Variants in DDX1 observed in about 807,000 individuals in gnomAD.
DDX1 encodes the protein ATP-dependent RNA helicase DDX1.
DDX1 carries 28 observed loss-of-function variants against 108.7 expected under a neutral mutation model. That is an observed-to-expected ratio of 0.26 (90% CI 0.19 to 0.35). The LOEUF is 0.35. Among genes scored for constraint, DDX1 ranks in the 10% least tolerant of loss-of-function variants. The pLI is 1.00. For synonymous variants in DDX1, 295 were observed against 288.9 expected, an observed-to-expected ratio of 1.02 and a Z score of -0.21; for missense variants, 710 against 884.5, an observed-to-expected ratio of 0.80 and a Z score of 2.50.
chr2:15,608,672 T>TTG (rs1216710653), intron 13 of DDX1, among the ~76,000 whole-genome samples: 10 of 146,178 alleles, frequency 6.8e-5, no homozygotes, highest in Non-Finnish European at 1.5e-4. Context: ...GGTTTTTTTT[T>TTG]TTTTTTTTTT....
At chr2:15,599,394 C>A (rs1281235705) in intron 5 of DDX1, among the ~76,000 whole-genome samples, 6 of 151,798 alleles carry the variant, frequency 4.0e-5, no homozygotes, top group Non-Finnish European at 7.4e-5. Context: ...GCAGTCTCCA[C>A]CTCCTGGGCT....
At chr2:15,612,170 G>A (rs1311825774) in intron 13 of DDX1, among the ~76,000 whole-genome samples, 7 of 151,182 alleles carry the variant, frequency 4.6e-5, no homozygotes, top group Non-Finnish European at 7.4e-5. Context: ...TGGACGGGGC[G>A]GCTGGCCTGG....
At chr2:15,630,428 A>G (rs1430849147) in intron 25 of DDX1, among the ~76,000 whole-genome samples, 1 of 152,196 alleles carries the variant, frequency 6.6e-6, no homozygotes, top group Non-Finnish European at 1.5e-5. Context: ...AGGAATCAGA[A>G]GCCTTTGACT....
chr2:15,629,949 A>G lies in DDX1; in HGVS notation c.1972-41A>G, dbSNP rs371070288. ...ATGATGATAAAATGCAACTCTTTCTAAATGAAATTTTTATTTGGAAATTTT... is the reference window on the plus strand; with the variant it reads ...ATGATGATAAAATGCAACTCTTTCTGAATGAAATTTTTATTTGGAAATTTT... On this transcript the variant is annotated intron_variant, in intron 24 of 25. Coordinates refer to ENST00000233084, the MANE Select transcript of DDX1 (RefSeq NM_004939.3). 5 of 1,540,718 alleles carry G rather than the reference A, an allele frequency of 3.2e-6. No homozygotes were observed. The African/African-American group carries it at 5.6e-5, about 17-fold the overall frequency.
In DDX1 at chr2:15,623,496, A is replaced by T. The variant is rs371887533; in HGVS notation, c.1508A>T (p.Glu503Val). ...GAGTATGCTGTCCGGGCAATCAAGG[A>T]ACATAAGATGGATCAAGCAATTATC... ...KGEYAVRAIKEHKMDQAIIFC... is the reference protein window; with the variant it reads ...KGEYAVRAIKVHKMDQAIIFC... Residue 503 changes from glutamate (E) to valine (V), a missense_variant, in exon 19 of 26, where the codon GAA becomes GTA. Around this residue, in one of 3 missense-constraint regions of DDX1, gnomAD observed 661 missense variants for 810.2 expected, o/e 0.82. Coordinates refer to ENST00000233084, the MANE Select transcript of DDX1 (RefSeq NM_004939.3). The T allele has an allele frequency of 3.5e-5, 57 of 1,613,510 alleles. No homozygotes were observed. The highest frequency in any genetic ancestry group is 4.7e-5 in the Non-Finnish European group (56 of 1,179,688).
chr2:15,611,479 C>G (rs1422359100), intron 13 of DDX1, among the ~76,000 whole-genome samples: 7 of 143,144 alleles, frequency 4.9e-5, no homozygotes, highest in African/African-American at 1.9e-4. Context: ...AGGCTCCCCC[C>G]ACCTCCCGGA....
chr2:15,591,964 A>G lies in DDX1; in HGVS notation c.16+15A>G. The G allele has an allele frequency of 1.4e-6, 2 of 1,406,778 alleles. No homozygotes were observed. Among genetic ancestry groups the G allele is most frequent in the Non-Finnish European group, 1.9e-6 (2 of 1,077,922 alleles). 87.1% of individuals were successfully genotyped at this position (1,406,778 alleles called of 1,614,324 possible). A position where few individuals can be genotyped will look rare whatever the true frequency, so the allele number is the denominator to read the frequency against. On this transcript the variant is annotated intron_variant, in intron 1 of 25. Transcript: ENST00000233084. Reference sequence around the variant, plus strand: ...GGCCTTCTCCGGTGCGTTTGTGGAAACTCTGGGGGTGGTGGGGCGGCTTGT... The same window carrying G: ...GGCCTTCTCCGGTGCGTTTGTGGAAGCTCTGGGGGTGGTGGGGCGGCTTGT...
intron 24 of DDX1, 33 bp downstream of exon 24, chr2:15,629,730 A>T: frequency 6.9e-7 from 1 of 1,444,088 alleles, no homozygotes; most frequent in Non-Finnish European, 9.4e-7. Flanking sequence ...CAAATAATGT[A>T]TTAAAATGGT....
intron 19 of DDX1, among the ~76,000 whole-genome samples, chr2:15,625,662 T>TCCC (rs1172505010): frequency 2.0e-5 from 3 of 152,124 alleles, no homozygotes; most frequent in Non-Finnish European, 4.4e-5. Flanking sequence ...TATTTCAGTG[T>TCCC]TGCTACGTGT....
rs1418207016 is a variant in DDX1, at chr2:15,621,169, C to T, written c.1447+53C>T. The T allele has an allele frequency of 4.8e-6, 6 of 1,258,730 alleles. No individual in the cohort carries two copies. In the Admixed American group the frequency reaches 8.9e-5, roughly 19 times the overall value. 78.0% of individuals were successfully genotyped at this position (1,258,730 alleles called of 1,614,324 possible). ...AAGATTTTGAAAATGAAATTTATAC[C>T]TTACCTATTCTCATGAAGGATGTGA... On this transcript the variant is annotated intron_variant, in intron 18 of 25. Coordinates refer to ENST00000233084, the MANE Select transcript of DDX1 (RefSeq NM_004939.3).
At chr2:15,601,369 G>A (rs887327754) in intron 6 of DDX1, among the ~76,000 whole-genome samples, 4 of 152,162 alleles carry the variant, frequency 2.6e-5, no homozygotes, top group African/African-American at 9.7e-5. Flanking sequence ...CCCACAGGTT[G>A]AGGGTTCAAT....
chr2:15,602,596 G>T lies in DDX1; in HGVS notation c.356G>T (p.Trp119Leu). Residue 119 changes from tryptophan to leucine, a missense_variant, in exon 7 of 26, where the codon TGG (tryptophan) becomes TTG (leucine). By Grantham distance (61) the Trp-to-Leu change is moderately conservative. Transcript: ENST00000233084. Reference protein sequence around the residue: ...LCCQSREVKEWHGCRATKGLM... With the variant: ...LCCQSREVKELHGCRATKGLM... ...TGTCAAAGCAGAGAAGTAAAGGAAT[G>T]GCATGGGTGTAGAGCTACTAAAGGA... 1 of 1,613,648 alleles carries T rather than the reference G, an allele frequency of 6.2e-7. No homozygotes were observed. The highest frequency in any genetic ancestry group is 8.5e-7 in the Non-Finnish European group (1 of 1,179,544).
At position 15,604,527 on chromosome 2, in the gene DDX1, CT is replaced by C. The variant is rs1231661114; in HGVS notation, c.625+20del. 6.7e-7 allele frequency: 1 copy of C among 1,487,538 alleles called. No individual in the cohort carries two copies. The allele number at this position is 1,487,538 out of a possible 1,614,324, so 92.1% of individuals were successfully genotyped here. A position where few individuals can be genotyped will look rare whatever the true frequency, so the allele number is the denominator to read the frequency against. On this transcript the variant is annotated intron_variant, in intron 10 of 25. Transcript: ENST00000233084. ...CAAAAATGGTAAGCTCTATATGGAT[CT>C]TAGTAGTGAAAAGATACATGATATT...
intron 13 of DDX1, among the ~76,000 whole-genome samples, chr2:15,609,282 T>C (rs778072239): frequency 3.3e-5 from 5 of 152,204 alleles, no homozygotes; most frequent in Admixed American, 6.5e-5. Flanking sequence ...AATAATAAAA[T>C]CAATTTATTG....
chr2:15,627,893 A>G (rs1666127742), intron 20 of DDX1, among the ~76,000 whole-genome samples: 1 of 152,186 alleles, frequency 6.6e-6, no homozygotes, highest in African/African-American at 2.4e-5. Flanking sequence ...ACCATAAGTC[A>G]GTATACCCTT....
At position 15,629,602 on chromosome 2, in the gene DDX1, G is replaced by T; in HGVS notation, c.1876G>T (p.Val626Phe). 1 of 1,589,208 alleles carries T rather than the reference G, an allele frequency of 6.3e-7. No homozygotes were observed. Among genetic ancestry groups the T allele is most frequent in the Non-Finnish European group, 8.5e-7 (1 of 1,171,370 alleles). Residue 626 changes from valine (V) to phenylalanine (F), a missense_variant and splice_region_variant, in exon 24 of 26, where the codon GTT (valine) becomes TTT (phenylalanine). By Grantham distance (50) the Val-to-Phe change is conservative (BLOSUM62 -1). Transcript: ENST00000233084. ...AATATTTTTTCCTTTTTAAATTTAG[G>T]TTTGGTACCATGTATGTAGCAGCCG... ...ISLVATEKEKVWYHVCSSRGK... is the reference protein window; with the variant it reads ...ISLVATEKEKFWYHVCSSRGK...
chr2:15,613,376 G>C (rs1306588626), intron 14 of DDX1, 92 bp downstream of exon 14: 1 of 820,812 alleles, frequency 1.2e-6, no homozygotes, highest in African/African-American at 1.8e-5. Context: ...TTTAAGTGAG[G>C]CTGAAATTAG....
chr2:15,620,062 A>G, intron 16 of DDX1, 146 bp from the exon 17 acceptor site: 1 of 687,690 alleles, frequency 1.5e-6, no homozygotes, highest in Non-Finnish European at 2.4e-6. Flanking sequence ...CCAAAGTCAT[A>G]ACTCTAGTTG....
intron 1 of DDX1, among the ~76,000 whole-genome samples, chr2:15,593,781 A>C (rs554124990): frequency 6.6e-6 from 1 of 152,142 alleles, no homozygotes; most frequent in African/African-American, 2.4e-5. Flanking sequence ...CCTGAGATTA[A>C]GAGCTAGGAA....
Sources: gnomAD v4.1 joint callset for allele counts (sites outside exome capture counted in the v4.1 genomes callset) on GRCh38, gnomAD v4.1.1 for gene constraint, gnomAD v4.1.1 regional missense constraint, MANE v1.5 for transcripts, NCBI Gene and HGNC (gene_info 2026-07-23, HGNC 2026-07-21) for gene names.